Variants in ZNF584 observed in about 807,000 individuals in gnomAD.
The protein encoded by ZNF584 is zinc finger protein 584.
In ZNF584, 12 loss-of-function variants were observed where a neutral mutation model predicts 14.7. That is an observed-to-expected ratio of 0.82 (90% CI 0.52 to 1.32). The LOEUF (loss-of-function observed/expected upper bound fraction) is 1.32. Ranked by LOEUF, ZNF584 falls within the 40% of genes most tolerant of loss-of-function variation. The probability of loss-of-function intolerance (pLI) is 0.00; values close to 1 mark genes in which losing one functional copy is unlikely to be tolerated. For missense variants in ZNF584, 478 were observed against 518.8 expected, an observed-to-expected ratio of 0.92 and a Z score of 0.76; for synonymous variants, 204 against 190.9, an observed-to-expected ratio of 1.07 and a Z score of -0.57.
chr19:58,401,864 C>A (rs1455383705), intron 1 of ZNF584, among the ~76,000 whole-genome samples: 2 of 117,174 alleles, frequency 1.7e-5, no homozygotes, highest in Non-Finnish European at 1.6e-5. Flanking sequence ...ACGTGAGGAT[C>A]CTATATAAAG....
intron 3 of ZNF584, 24 bp downstream of exon 3, chr19:58,415,670 C>T (rs1459571686): frequency 6.2e-7 from 1 of 1,610,372 alleles, no homozygotes; most frequent in South Asian, 1.1e-5. Flanking sequence ...AGGGGAATAC[C>T]TTGGTTTCAG....
chr19:58,412,989 G>T (rs2052595602), intron 2 of ZNF584, among the ~76,000 whole-genome samples: 1 of 152,122 alleles, frequency 6.6e-6, no homozygotes, highest in Admixed American at 6.5e-5. Context: ...AAGGTTACTA[G>T]TGATGTCCTT....
intron 2 of ZNF584, among the ~76,000 whole-genome samples, chr19:58,410,583 G>T (rs866845652): frequency 3.7e-5 from 1 of 26,718 alleles, no homozygotes; most frequent in East Asian, 6.8e-4. Flanking sequence ...GTATATATAT[G>T]TATATATATG....
chr19:58,412,858 G>A (rs1402605454), intron 2 of ZNF584, among the ~76,000 whole-genome samples: 1 of 152,134 alleles, frequency 6.6e-6, no homozygotes, highest in East Asian at 1.9e-4. Flanking sequence ...TAGATTTTCT[G>A]TTTCTTCTTG....
chr19:58,411,300 GT>G (rs902020212), intron 2 of ZNF584, among the ~76,000 whole-genome samples: 3 of 151,674 alleles, frequency 2.0e-5, no homozygotes, highest in African/African-American at 4.8e-5. Flanking sequence ...GGCGAGGCAG[GT>G]GGATTACCTG....
chr19:58,402,071 G>T (rs906435832), intron 1 of ZNF584, among the ~76,000 whole-genome samples: 8 of 151,684 alleles, frequency 5.3e-5, no homozygotes, highest in Non-Finnish European at 8.8e-5. Flanking sequence ...ACTCCGTTTG[G>T]GGGGGTAAAG....
At chr19:58,410,938 C>G (rs1410868620) in intron 2 of ZNF584, among the ~76,000 whole-genome samples, 2 of 149,496 alleles carry the variant, frequency 1.3e-5, no homozygotes, top group African/African-American at 4.9e-5. Flanking sequence ...ACTACAGGCT[C>G]GCGCCACCAT....
At chr19:58,413,843 G>A (rs2052606999) in intron 2 of ZNF584, among the ~76,000 whole-genome samples, 2 of 150,584 alleles carry the variant, frequency 1.3e-5, no homozygotes, top group Non-Finnish European at 1.5e-5. Flanking sequence ...TTTTGAGATG[G>A]AGTCTTGCTC....
intron 1 of ZNF584, 82 bp from the exon 2 acceptor site, chr19:58,409,859 C>A: frequency 6.5e-7 from 1 of 1,549,994 alleles, no homozygotes; most frequent in Non-Finnish European, 8.9e-7. Context: ...TGTGATAGGA[C>A]CCTGAGATAC....
intron 2 of ZNF584, among the ~76,000 whole-genome samples, chr19:58,414,918 A>G (rs1170581623): frequency 6.6e-6 from 1 of 151,616 alleles, no homozygotes; most frequent in Non-Finnish European, 1.5e-5. Context: ...TTTGAGACAG[A>G]GTCTCGCACT....
upstream of ZNF584, chr19:58,406,342 A>AGGGG (rs1201178942): frequency 8.1e-5 from 4 of 49,492 alleles, no homozygotes; most frequent in African/African-American, 2.4e-4. Flanking sequence ...CCGTGGAAAG[A>AGGGG]GCGGGGGGGG....
At position 58,417,840 on chromosome 19, in the gene ZNF584, G is replaced by T; in HGVS notation, c.*56G>T. 1.3e-6 allele frequency: 2 copies of T among 1,533,796 alleles called. No individual in the cohort carries two copies. Among genetic ancestry groups the T allele is most frequent in the Non-Finnish European group, 1.8e-6 (2 of 1,142,016 alleles). ...AGAAAGGAGGTTAAGGAGAGTGGCC[G>T]TGAGAGTGCCATCCGAAAGAAGCTA... On this transcript the variant is annotated 3_prime_UTR_variant, in exon 4 of 4. Transcript: ENST00000306910.
Position 58,414,180 on chromosome 19 carries a change from T to C in ZNF584, c.170-1344T>C, listed in dbSNP as rs576109871. ...AATTGTCATGTGATTTATTTTTTCT[T>C]TGACTCTGGATTTTTAGGAATGTTT... On this transcript the variant is annotated intron_variant, in intron 2 of 3. Transcript: ENST00000306910. Among the ~76,000 whole-genome samples, 4 of 152,296 alleles carry C rather than the reference T, an allele frequency of 2.6e-5. No individual in the cohort carries two copies. The South Asian group carries it at 8.3e-4, about 32-fold the overall frequency.
Position 58,417,820 on chromosome 19 carries a change from G to A in ZNF584, c.*36G>A. On this transcript the variant is annotated 3_prime_UTR_variant, in exon 4 of 4. Transcript: ENST00000306910. ...ATCAGGAAAGGTCTTATTCCAGAAA[G>A]GAGGTTAAGGAGAGTGGCCGTGAGA... 1.3e-6 allele frequency: 2 copies of A among 1,553,952 alleles called. No individual in the cohort carries two copies. Among genetic ancestry groups the A allele is most frequent in the Non-Finnish European group, 1.7e-6 (2 of 1,152,126 alleles).
Position 58,417,904 on chromosome 19 carries a change from C to T in ZNF584, c.*120C>T. ...CCAACACCCACCCCAGGGAGAGTTC[C>T]CGTGTGTGCCTGGTGTGTGGGACGC... On this transcript the variant is annotated 3_prime_UTR_variant, in exon 4 of 4. Coordinates refer to ENST00000306910, the MANE Select transcript of ZNF584 (RefSeq NM_173548.3). 1 of 1,285,844 alleles carries T rather than the reference C, an allele frequency of 7.8e-7. No homozygotes were observed. The highest frequency in any genetic ancestry group is 1.5e-5 in the South Asian group (1 of 68,838). The allele number at this position is 1,285,844 out of a possible 1,614,324, so 79.7% of individuals were successfully genotyped here. A position where few individuals can be genotyped will look rare whatever the true frequency, so the allele number is the denominator to read the frequency against.
chr19:58,413,290 A>AT (rs2052598716), intron 2 of ZNF584, among the ~76,000 whole-genome samples: 1 of 150,972 alleles, frequency 6.6e-6, no homozygotes, highest in African/African-American at 2.4e-5. Flanking sequence ...TAAGCTCTGC[A>AT]TTTTCTGCAT....
chr19:58,407,450 A>G (rs3826679), upstream of ZNF584, among the ~76,000 whole-genome samples: 31,548 of 152,166 alleles, frequency 0.21, 3,673 homozygotes, highest in Non-Finnish European at 0.27. Context: ...AGCTGTGAAG[A>G]TTCAGAGACT....
At chr19:58,403,232 A>G (rs1393496211) in intron 1 of ZNF584, among the ~76,000 whole-genome samples, 1 of 152,242 alleles carries the variant, frequency 6.6e-6, no homozygotes, top group Non-Finnish European at 1.5e-5. Context: ...AAATTATTAT[A>G]GCAGCTTTAT....
Position 58,417,590 on chromosome 19 carries a change from C to T in ZNF584, c.1072C>T (p.Leu358=), listed in dbSNP as rs1599956063. Residue 358 remains leucine, a synonymous_variant, in exon 4 of 4, where the codon CTG becomes TTG. Transcript: ENST00000306910. The part of the protein sequence containing the change: ...HTGERPYECS[L]CGKTFTTRSY... ...TGGGGAACGGCCCTATGAATGTAGC[C>T]TGTGTGGGAAAACCTTCACTACCAG... 6.2e-7 allele frequency: 1 copy of T among 1,614,180 alleles called. No individual in the cohort carries two copies. Among genetic ancestry groups the T allele is most frequent in the South Asian group, 1.1e-5 (1 of 91,072 alleles).
Sources: allele counts gnomAD v4.1 joint callset (sites outside exome capture counted in the v4.1 genomes callset), GRCh38; gene constraint gnomAD v4.1.1; transcripts MANE v1.5; gene names NCBI Gene and HGNC (gene_info 2026-07-23, HGNC 2026-07-21).